The following SEMA3E variants were observed in gnomAD, a reference collection of about 807,000 sequenced individuals.
The protein encoded by SEMA3E is semaphorin-3E.
SEMA3E carries 49 observed loss-of-function variants against 93.6 expected under a neutral mutation model. That is an observed-to-expected ratio of 0.52 (90% CI 0.42 to 0.66). SEMA3E has a LOEUF of 0.66. Among genes scored for constraint, SEMA3E ranks in the 30% least tolerant of loss-of-function variants. The probability of loss-of-function intolerance (pLI) is 0.00; values close to 1 mark genes in which losing one functional copy is unlikely to be tolerated. For missense variants in SEMA3E, 906 were observed against 964.8 expected, an observed-to-expected ratio of 0.94 and a Z score of 0.81; for synonymous variants, 363 against 330.7, an observed-to-expected ratio of 1.10 and a Z score of -1.06.
chr7:83,443,345 G>C (rs968597460), intron 4 of SEMA3E, among the ~76,000 whole-genome samples: 38 of 152,124 alleles, frequency 2.5e-4, no homozygotes, highest in Non-Finnish European at 1.0e-4. Context: ...ACAGAAAAAG[G>C]GTATAAAGTA....
chr7:83,501,112 A>G (rs61053056), intron 1 of SEMA3E, among the ~76,000 whole-genome samples: 329 of 152,324 alleles, frequency 2.2e-3, no homozygotes, highest in African/African-American at 7.6e-3. Context: ...TTATACATTT[A>G]CATCATATTC....
At chr7:83,637,473 G>C (rs1219796544) in intron 1 of SEMA3E, among the ~76,000 whole-genome samples, 2 of 152,130 alleles carry the variant, frequency 1.3e-5, no homozygotes, top group Admixed American at 1.3e-4. Flanking sequence ...GTTTGGCTCT[G>C]TGTCCCCACC....
intron 16 of SEMA3E, among the ~76,000 whole-genome samples, chr7:83,377,576 T>C (rs1787673310): frequency 6.6e-6 from 1 of 151,980 alleles, no homozygotes; most frequent in Non-Finnish European, 1.5e-5. Flanking sequence ...CAATTTCTGC[T>C]TTAAATAATT....
intron 5 of SEMA3E, among the ~76,000 whole-genome samples, chr7:83,415,408 AT>A (rs1788521146): frequency 6.6e-6 from 1 of 152,120 alleles, no homozygotes. Context: ...GAGCAAGCCT[AT>A]TTAATATATG....
chr7:83,396,041 A>ATG (rs3043167), intron 12 of SEMA3E, among the ~76,000 whole-genome samples: 26,164 of 148,870 alleles, frequency 0.18, 2,460 homozygotes, highest in South Asian at 0.35. Flanking sequence ...ATACGACTTG[A>ATG]TGTGTGTGTG....
intron 1 of SEMA3E, among the ~76,000 whole-genome samples, chr7:83,521,869 G>A (rs1791056639): frequency 6.6e-6 from 1 of 152,034 alleles, no homozygotes; most frequent in Non-Finnish European, 1.5e-5. Flanking sequence ...CAGGGGTTTA[G>A]GGCTTTCATA....
At chr7:83,486,424 A>C (rs1790257026) in intron 2 of SEMA3E, among the ~76,000 whole-genome samples, 1 of 152,226 alleles carries the variant, frequency 6.6e-6, no homozygotes, top group African/African-American at 2.4e-5. Context: ...GAGAGATTTA[A>C]AAAAAATGTT....
At chr7:83,625,253 C>A (rs192511538) in intron 1 of SEMA3E, among the ~76,000 whole-genome samples, 20 of 152,232 alleles carry the variant, frequency 1.3e-4, no homozygotes, top group Non-Finnish European at 2.6e-4. Flanking sequence ...TTTTCTAATT[C>A]TGTGAAGAAA....
intron 5 of SEMA3E, among the ~76,000 whole-genome samples, chr7:83,408,805 A>G (rs1246958688): frequency 6.6e-6 from 1 of 152,198 alleles, no homozygotes; most frequent in Non-Finnish European, 1.5e-5. Flanking sequence ...TAAGACCTAT[A>G]TGAGTTTTTG....
chr7:83,406,113 C>T, intron 7 of SEMA3E, 54 bp from the exon 8 acceptor site: 3 of 1,228,066 alleles, frequency 2.4e-6, no homozygotes, highest in East Asian at 4.7e-5. Flanking sequence ...CGACCAACCA[C>T]AGATTTCATA....
intron 1 of SEMA3E, among the ~76,000 whole-genome samples, chr7:83,597,676 A>G (rs1013495620): frequency 3.5e-4 from 53 of 152,294 alleles, no homozygotes; most frequent in African/African-American, 1.3e-3. Flanking sequence ...TTCAGCGTGT[A>G]TAAATAATAT....
chr7:83,395,586 CCTT>C (rs1179219906), intron 12 of SEMA3E, among the ~76,000 whole-genome samples: 4 of 152,138 alleles, frequency 2.6e-5, no homozygotes, highest in African/African-American at 9.7e-5. Flanking sequence ...TGTCACTCTG[CCTT>C]CTTGTTTCAG....
At chr7:83,616,644 T>A (rs1207313755) in intron 1 of SEMA3E, 10 of 434,326 alleles carry the variant, frequency 2.3e-5, no homozygotes, top group South Asian at 1.7e-4. Flanking sequence ...TCCTCCTCCA[T>A]GTCTTTTCTT....
intron 1 of SEMA3E, among the ~76,000 whole-genome samples, chr7:83,562,464 TTTTATTTA>T (rs149261610): frequency 0.01 from 1,461 of 141,082 alleles, 23 homozygotes; most frequent in African/African-American, 0.031. Context: ...TGAACTTCCT[TTTTATTTA>T]TTTATTTATT....
At chr7:83,561,030 T>C (rs1373335851) in intron 1 of SEMA3E, among the ~76,000 whole-genome samples, 1 of 151,994 alleles carries the variant, frequency 6.6e-6, no homozygotes, top group African/African-American at 2.4e-5. Flanking sequence ...TTATAATATG[T>C]GATCATGGAA....
At chr7:83,492,625 T>C (rs1790409399) in intron 1 of SEMA3E, among the ~76,000 whole-genome samples, 1 of 151,864 alleles carries the variant, frequency 6.6e-6, no homozygotes, top group Admixed American at 6.6e-5. Context: ...GGGTACATAC[T>C]TTGGAGAAAG....
At chr7:83,496,740 C>A (rs1285414324) in intron 1 of SEMA3E, among the ~76,000 whole-genome samples, 3 of 151,976 alleles carry the variant, frequency 2.0e-5, no homozygotes, top group Admixed American at 6.6e-5. Flanking sequence ...TATCTGAACT[C>A]CAAATCATGG....
intron 1 of SEMA3E, among the ~76,000 whole-genome samples, chr7:83,532,778 T>TG (rs1791328629): frequency 6.7e-6 from 1 of 148,662 alleles, no homozygotes; most frequent in Non-Finnish European, 1.5e-5. Flanking sequence ...TATTTCCTGT[T>TG]TTTTTTTTAA....
chr7:83,424,087 A>T (rs1053935002), intron 4 of SEMA3E, among the ~76,000 whole-genome samples: 1 of 152,180 alleles, frequency 6.6e-6, no homozygotes, highest in Non-Finnish European at 1.5e-5. Flanking sequence ...AAAGGTCCAC[A>T]TCTTTGGAGG....
Sources: gnomAD v4.1 joint callset for allele counts (sites outside exome capture counted in the v4.1 genomes callset) on GRCh38, gnomAD v4.1.1 for gene constraint, MANE v1.5 for transcripts, NCBI Gene and HGNC (gene_info 2026-07-23, HGNC 2026-07-21) for gene names.